GRID1: variants seen among roughly 807,000 people sequenced by gnomAD.
GRID1 encodes the protein glutamate receptor ionotropic, delta-1.
In GRID1, 28 loss-of-function variants were observed where a neutral mutation model predicts 98.0. The ratio of observed to expected loss-of-function variants is 0.29; its 90% confidence interval spans 0.21 to 0.39. The LOEUF (loss-of-function observed/expected upper bound fraction) is 0.39, where lower values mean the gene tolerates loss of function less well. Ranked by LOEUF, GRID1 falls within the 10% of genes least tolerant of loss-of-function variation. GRID1 has a pLI of 1.00. For missense variants in GRID1, 1,111 were observed against 1,340.5 expected (o/e 0.83, Z 2.67); for synonymous variants, 553 against 538.5 (o/e 1.03, Z -0.37).
intron 3 of GRID1, among the ~76,000 whole-genome samples, chr10:86,154,218 G>C (rs565746396): frequency 6.6e-6 from 1 of 152,294 alleles, no homozygotes; most frequent in Non-Finnish European, 1.5e-5. Context: ...GCTGGGTGAG[G>C]GGAGTAGGGA....
chr10:86,115,745 C>T (rs1844566653), intron 4 of GRID1, among the ~76,000 whole-genome samples: 1 of 152,178 alleles, frequency 6.6e-6, no homozygotes, highest in African/African-American at 2.4e-5. Flanking sequence ...CAGGGCCAGC[C>T]CCATCCCAGC....
intron 8 of GRID1, among the ~76,000 whole-genome samples, chr10:85,832,317 G>A (rs1252597094): frequency 6.6e-6 from 1 of 151,934 alleles, no homozygotes; most frequent in Non-Finnish European, 1.5e-5. Context: ...AAGAGCCCCA[G>A]CATTCAATAG....
chr10:85,877,611 AC>A (rs1234669705), intron 5 of GRID1, among the ~76,000 whole-genome samples: 2 of 152,140 alleles, frequency 1.3e-5, no homozygotes, highest in African/African-American at 4.8e-5. Flanking sequence ...CACACCAAAA[AC>A]CCATCTGTAC....
At chr10:86,082,908 G>C (rs1843997713) in intron 4 of GRID1, among the ~76,000 whole-genome samples, 1 of 152,168 alleles carries the variant, frequency 6.6e-6, no homozygotes, top group Non-Finnish European at 1.5e-5. Context: ...GGACAGAGCG[G>C]GTGGAAGCAG....
intron 4 of GRID1, among the ~76,000 whole-genome samples, chr10:86,035,939 C>A (rs565135908): frequency 1.6e-4 from 24 of 152,182 alleles, no homozygotes; most frequent in Admixed American, 1.4e-3. Context: ...GAGGCTCAGG[C>A]GAAAGCTTTT....
At chr10:85,898,229 A>G (rs1417603379) in intron 5 of GRID1, among the ~76,000 whole-genome samples, 4 of 152,226 alleles carry the variant, frequency 2.6e-5, no homozygotes, top group African/African-American at 9.6e-5. Flanking sequence ...AAAATATGCT[A>G]TGAAAGATAA....
chr10:85,659,367 G>A (rs1840938889), intron 12 of GRID1, among the ~76,000 whole-genome samples: 1 of 152,196 alleles, frequency 6.6e-6, no homozygotes, highest in Admixed American at 6.5e-5. Context: ...GTGGTTGTGA[G>A]TTCCTCAGTG....
chr10:86,318,821 G>T (rs1847932404), intron 2 of GRID1, among the ~76,000 whole-genome samples: 1 of 152,186 alleles, frequency 6.6e-6, no homozygotes, highest in African/African-American at 2.4e-5. Flanking sequence ...CTGAGAACCA[G>T]ACTTAGAACC....
chr10:85,875,273 C>A (rs1843318145), intron 5 of GRID1, among the ~76,000 whole-genome samples: 1 of 152,066 alleles, frequency 6.6e-6, no homozygotes, highest in East Asian at 1.9e-4. Flanking sequence ...TTTCTAGTAA[C>A]ACATCTTGCC....
intron 8 of GRID1, among the ~76,000 whole-genome samples, chr10:85,814,725 T>A (rs2131746548): frequency 6.6e-6 from 1 of 152,088 alleles, no homozygotes; most frequent in South Asian, 2.1e-4. Context: ...TACTATAAAC[T>A]ACTTAAGAAG....
chr10:85,603,306 A>T (rs985821275), intron 15 of GRID1, among the ~76,000 whole-genome samples: 2 of 152,098 alleles, frequency 1.3e-5, no homozygotes, highest in Non-Finnish European at 2.9e-5. Flanking sequence ...CAGGCAGCCC[A>T]AGGAGGGGGA....
chr10:85,721,383 A>C (rs1430187943), intron 12 of GRID1, among the ~76,000 whole-genome samples: 1 of 152,212 alleles, frequency 6.6e-6, no homozygotes, highest in African/African-American at 2.4e-5. Flanking sequence ...TTCATGCAAA[A>C]ACCTGCACGC....
chr10:85,759,833 CCCAA>C (rs1317125574), intron 8 of GRID1, among the ~76,000 whole-genome samples: 2 of 152,172 alleles, frequency 1.3e-5, no homozygotes, highest in African/African-American at 4.8e-5. Context: ...ACTGCATTGA[CCCAA>C]CCTGAAATCC....
chr10:86,049,759 A>G (rs1201078836), intron 4 of GRID1, among the ~76,000 whole-genome samples: 4 of 152,210 alleles, frequency 2.6e-5, no homozygotes, highest in Admixed American at 6.5e-5. Context: ...AGCCTTTGAG[A>G]AATACATAAC....
chr10:85,983,297 G>A (rs1842568374), intron 4 of GRID1, among the ~76,000 whole-genome samples: 1 of 152,202 alleles, frequency 6.6e-6, no homozygotes, highest in Non-Finnish European at 1.5e-5. Flanking sequence ...AAAGCTGGGG[G>A]AGCCACTCAC....
At chr10:85,727,374 A>G (rs1369712507) in intron 10 of GRID1, among the ~76,000 whole-genome samples, 1 of 152,200 alleles carries the variant, frequency 6.6e-6, no homozygotes, top group African/African-American at 2.4e-5. Context: ...TGCAGTTTCT[A>G]CGGGAGGGAA....
chr10:85,734,291 A>C (rs933471871), intron 8 of GRID1, among the ~76,000 whole-genome samples: 2 of 152,144 alleles, frequency 1.3e-5, no homozygotes, highest in Non-Finnish European at 2.9e-5. Context: ...AGATCCATGA[A>C]GATAAGCAAT....
chr10:86,152,561 C>T (rs1011597965), intron 3 of GRID1, among the ~76,000 whole-genome samples: 8 of 152,252 alleles, frequency 5.3e-5, no homozygotes, highest in African/African-American at 1.9e-4. Flanking sequence ...GGCTGTGGCT[C>T]CCCTGTGGGA....
At chr10:85,611,102 C>G (rs73338978) in intron 15 of GRID1, among the ~76,000 whole-genome samples, 2,012 of 152,292 alleles carry the variant, frequency 0.013, 45 homozygotes, top group African/African-American at 0.044. Context: ...TTCCTCACAG[C>G]TAGGTTATCC....
Sources: gnomAD v4.1 joint callset for allele counts (sites outside exome capture counted in the v4.1 genomes callset) on GRCh38, gnomAD v4.1.1 for gene constraint, MANE v1.5 for transcripts, NCBI Gene and HGNC (gene_info 2026-07-23, HGNC 2026-07-21) for gene names.